The following INSYN1 variants were observed in gnomAD, a reference collection of about 807,000 sequenced individuals.
INSYN1 encodes the protein inhibitory synaptic factor 1.
INSYN1 carries 7 observed loss-of-function variants against 17.1 expected under a neutral mutation model. The observed-to-expected ratio is 0.41, with a 90% CI of 0.23 to 0.77. The LOEUF (loss-of-function observed/expected upper bound fraction) is 0.77, where lower values mean the gene tolerates loss of function less well. Among genes scored for constraint, INSYN1 ranks in the 30% least tolerant of loss-of-function variants. INSYN1 has a pLI of 0.32. For missense variants in INSYN1, 339 were observed against 400.6 expected, an observed-to-expected ratio of 0.85 and a Z score of 1.31; for synonymous variants, 174 against 166.3, an observed-to-expected ratio of 1.05 and a Z score of -0.36.
At chr15:73,746,011 G>A (rs1375399674) in intron 2 of INSYN1, among the ~76,000 whole-genome samples, 1 of 151,556 alleles carries the variant, frequency 6.6e-6, no homozygotes, top group Non-Finnish European at 1.5e-5. Context: ...CCCAGAACCA[G>A]CATCCTGTAC....
rs777574186 is a variant in INSYN1 at position 73,740,075 on chromosome 15, G to A, written c.724C>T (p.Arg242Cys). ...KPSPAPYKSR[R>C]SPLTSRHSGS... ...GAGTGGCGGCTGGTCAGTGGAGAGCGCCGTGACTTGTAGGGGGCTGGGGAG... is the reference window on the plus strand; with the variant it reads ...GAGTGGCGGCTGGTCAGTGGAGAGCACCGTGACTTGTAGGGGGCTGGGGAG... Residue 242 changes from arginine to cysteine, a missense_variant, in exon 3 of 3, where the codon CGC (arginine) becomes TGC (cysteine). Physicochemically the swap from Arg to Cys is radical, Grantham distance 180. Transcript: ENST00000569673. The A allele has an allele frequency of 1.5e-5, 25 of 1,613,372 alleles. No homozygotes were observed. Among genetic ancestry groups the A allele is most frequent in the African/African-American group, 6.7e-5 (5 of 74,794 alleles).
In INSYN1 at chr15:73,739,848, T is replaced by C; in HGVS notation, c.*69A>G. The C allele has an allele frequency of 5.2e-6, 1 of 191,526 alleles. No individual in the cohort carries two copies. Among genetic ancestry groups the C allele is most frequent in the Non-Finnish European group, 9.9e-6 (1 of 100,976 alleles). The allele number at this position is 191,526 out of a possible 1,614,324, so 11.9% of individuals were successfully genotyped here. A position where few individuals can be genotyped will look rare whatever the true frequency, so the allele number is the denominator to read the frequency against. On this transcript the variant is annotated 3_prime_UTR_variant, in exon 3 of 3. Transcript: ENST00000569673. ...GACTTCATTTGTTTAAATATATATA[T>C]ATATATATATATATATATATTTATT...
At chr15:73,745,810 A>AAAAACAAAAC (rs10623860) in intron 2 of INSYN1, among the ~76,000 whole-genome samples, 13,224 of 149,862 alleles carry the variant, frequency 0.088, 665 homozygotes, top group Non-Finnish European at 0.1. Context: ...CTCCGTCTCA[A>AAAAACAAAAC]AAAACAAAAC....
intron 2 of INSYN1, among the ~76,000 whole-genome samples, chr15:73,742,260 C>T (rs1240472748): frequency 3.9e-5 from 6 of 152,198 alleles, no homozygotes; most frequent in African/African-American, 1.4e-4. Flanking sequence ...TTAGCTTTGA[C>T]ATTGTTCTGT....
rs975480189 is a variant in INSYN1, at chr15:73,736,062, T to C, written c.*3855A>G. ...ATAGGACTTCCCGGAAGCAGAGAGATCTGATGGAACATCCTGGGTAAAGAA... is the reference window on the plus strand; with the variant it reads ...ATAGGACTTCCCGGAAGCAGAGAGACCTGATGGAACATCCTGGGTAAAGAA... On this transcript the variant is annotated 3_prime_UTR_variant, in exon 3 of 3. Transcript: ENST00000569673. The C allele has an allele frequency of 1.3e-5, 2 of 152,294 alleles. No individual in the cohort carries two copies. Among genetic ancestry groups the C allele is most frequent in the Admixed American group, 6.5e-5 (1 of 15,280 alleles). 9.4% of individuals were successfully genotyped at this position (152,294 alleles called of 1,614,324 possible).
chr15:73,743,854 A>AAAAAAAAAAAAAAAAAAAAT, intron 2 of INSYN1, among the ~76,000 whole-genome samples: 1 of 146,070 alleles, frequency 6.8e-6, no homozygotes. Flanking sequence ...AAAAAAAAAA[A>AAAAAAAAAAAAAAAAAAAAT]AAAAGAAAGA....
At chr15:73,745,182 C>T (rs1212128316) in intron 2 of INSYN1, among the ~76,000 whole-genome samples, 8 of 152,254 alleles carry the variant, frequency 5.3e-5, no homozygotes, top group African/African-American at 1.7e-4. Flanking sequence ...AACAGGTCCA[C>T]GTTGCCCCTG....
At chr15:73,740,717 A>AC in intron 2 of INSYN1, 75 bp from the exon 3 acceptor site, 1 of 1,193,312 alleles carries the variant, frequency 8.4e-7, no homozygotes, top group South Asian at 1.4e-5. Flanking sequence ...GTGTGTCTCC[A>AC]CCCCATCCCT....
intron 2 of INSYN1, among the ~76,000 whole-genome samples, chr15:73,750,264 G>C (rs139377500): frequency 4.9e-4 from 74 of 152,288 alleles, no homozygotes; most frequent in African/African-American, 1.8e-3. Context: ...GCTCCACTTA[G>C]AAAGACAGAG....
rs752805846 is a variant in INSYN1, at chr15:73,751,487, T to C, written c.-357A>G. ...GAGCTTGAACACAGAGGCAGGGGGA[T>C]GACTCTGCAGGGACTAAGGGTAAGA... On this transcript the variant is annotated 5_prime_UTR_variant, in exon 2 of 3. Coordinates refer to ENST00000569673, the MANE Select transcript of INSYN1 (RefSeq NM_001039614.3). 31 of 303,310 alleles carry C rather than the reference T, an allele frequency of 1.0e-4. 1 individual carries two copies. Among genetic ancestry groups the C allele is most frequent in the Non-Finnish European group, 1.8e-4 (28 of 156,312 alleles). 18.8% of individuals were successfully genotyped at this position (303,310 alleles called of 1,614,324 possible). A position where few individuals can be genotyped will look rare whatever the true frequency, so the allele number is the denominator to read the frequency against.
chr15:73,739,879 C>T lies in INSYN1; in HGVS notation c.*38G>A, dbSNP rs1248465385. On this transcript the variant is annotated 3_prime_UTR_variant, in exon 3 of 3. Coordinates refer to ENST00000569673, the MANE Select transcript of INSYN1 (RefSeq NM_001039614.3). ...TATATATATATATATTTATTTATAG[C>T]TCTATGTGCCCACCGCCCCCGGCCC... is the stretch of plus-strand genomic sequence containing the variant. The T allele has an allele frequency of 1.5e-6, 1 of 675,400 alleles. No individual in the cohort carries two copies. The highest frequency in any genetic ancestry group is 1.8e-5 in the South Asian group (1 of 55,414). 41.8% of individuals were successfully genotyped at this position (675,400 alleles called of 1,614,324 possible). A position where few individuals can be genotyped will look rare whatever the true frequency, so the allele number is the denominator to read the frequency against.
At chr15:73,750,833 G>A in intron 2 of INSYN1, 142 bp downstream of exon 2, 1 of 931,024 alleles carries the variant, frequency 1.1e-6, no homozygotes. Flanking sequence ...GGAAAGGAGA[G>A]CAAGGAGAAA....
intron 2 of INSYN1, among the ~76,000 whole-genome samples, chr15:73,743,610 G>A (rs1901742713): frequency 1.3e-5 from 2 of 151,944 alleles, no homozygotes; most frequent in South Asian, 4.2e-4. Context: ...ATGAGGTCAG[G>A]AGATTGAGAC....
intron 2 of INSYN1, among the ~76,000 whole-genome samples, chr15:73,743,946 T>C (rs535608934): frequency 1.1e-4 from 16 of 150,394 alleles, no homozygotes; most frequent in African/African-American, 3.7e-4. Flanking sequence ...GAGCCAGACA[T>C]GGAGTCCTAC....
Position 73,753,193 on chromosome 15 carries a change from C to G in INSYN1, c.-1651G>C, listed in dbSNP as rs1011682389. Among the ~76,000 whole-genome samples the G allele has an allele frequency of 1.2e-4, 17 of 145,398 alleles. No homozygotes were observed. Among genetic ancestry groups the G allele is most frequent in the African/African-American group, 3.9e-4 (16 of 40,582 alleles). ...GCCGGGCTCCCGGGGCCTGGGCCCG[C>G]TCCCCAAGCGCCGCGGCGCCGCGCC... On this transcript the variant is annotated 5_prime_UTR_variant, in exon 1 of 3. Transcript: ENST00000569673. The surrounding 1 kb of genome is among the most constrained non-coding windows in gnomAD (Gnocchi z 4.2).
rs369326152 is a variant in INSYN1, at chr15:73,740,073, G to A, written c.726C>T (p.Arg242=). 17 of 1,613,538 alleles carry A rather than the reference G, an allele frequency of 1.1e-5. No individual in the cohort carries two copies. Among genetic ancestry groups the A allele is most frequent in the Non-Finnish European group, 1.4e-5 (17 of 1,179,830 alleles). Residue 242 remains arginine (R), a synonymous_variant, in exon 3 of 3, where the codon CGC becomes CGT. Transcript: ENST00000569673. The stretch of plus-strand genomic sequence containing the variant: ...CTGAGTGGCGGCTGGTCAGTGGAGA[G>A]CGCCGTGACTTGTAGGGGGCTGGGG... ...KPSPAPYKSR[R]SPLTSRHSGS...
At chr15:73,747,024 G>A (rs760839378) in intron 2 of INSYN1, among the ~76,000 whole-genome samples, 17 of 152,092 alleles carry the variant, frequency 1.1e-4, no homozygotes, top group Non-Finnish European at 1.9e-4. Flanking sequence ...ATGGCTCGAC[G>A]GAATCTGACT....
At chr15:73,749,995 A>C (rs115264830) in intron 2 of INSYN1, among the ~76,000 whole-genome samples, 2,245 of 152,252 alleles carry the variant, frequency 0.015, 78 homozygotes, top group African/African-American at 0.052. Context: ...TCCTCCCTGC[A>C]CAGCTGGCCA....
rs971939731 is a variant in INSYN1, at chr15:73,738,164, G to A, written c.*1753C>T. The A allele has an allele frequency of 6.6e-6, 1 of 152,292 alleles. No homozygotes were observed. Among genetic ancestry groups the A allele is most frequent in the South Asian group, 2.1e-4 (1 of 4,834 alleles). 9.4% of individuals were successfully genotyped at this position (152,292 alleles called of 1,614,324 possible). A position where few individuals can be genotyped will look rare whatever the true frequency, so the allele number is the denominator to read the frequency against. On this transcript the variant is annotated 3_prime_UTR_variant, in exon 3 of 3. Transcript: ENST00000569673. ...GTGCTTTCACAGTCACCATCTCGTC[G>A]GAGCTCCACAGCAGCTGGTGAGGTA... is the stretch of plus-strand genomic sequence containing the variant.
Sources: allele counts gnomAD v4.1 joint callset (sites outside exome capture counted in the v4.1 genomes callset), GRCh38; gene constraint gnomAD v4.1.1; non-coding constraint Gnocchi (gnomAD v3.1); transcripts MANE v1.5; gene names NCBI Gene and HGNC (gene_info 2026-07-23, HGNC 2026-07-21).